The following ZFP37 variants were observed in gnomAD, a reference collection of about 807,000 sequenced individuals.
ZFP37 encodes ZFP37 zinc finger protein, also known as zinc finger protein 37 homolog.
A neutral mutation model predicts 52.1 loss-of-function variants in ZFP37; 38 were observed. The observed-to-expected ratio is 0.73, with a 90% CI of 0.56 to 0.96. ZFP37 has a LOEUF of 0.96. Among genes scored for constraint, ZFP37 ranks in the 40% least tolerant of loss-of-function variants. The pLI, the probability that ZFP37 is intolerant of heterozygous loss-of-function variation, is 0.00. For missense variants in ZFP37, 695 were observed against 741.4 expected (o/e 0.94, Z 0.73); for synonymous variants, 253 against 259.5 (o/e 0.98, Z 0.24).
chr9:113,043,688 G>C lies in ZFP37; in HGVS notation c.930C>G (p.Asp310Glu). 6.2e-7 allele frequency: 1 copy of C among 1,614,026 alleles called. No homozygotes were observed. Among genetic ancestry groups the C allele is most frequent in the Non-Finnish European group, 8.5e-7 (1 of 1,179,960 alleles). The change falls in exon 4 of 4, where the codon GAC becomes GAG. Residue 310 changes from aspartate (D) to glutamate (E), a missense_variant. This residue lies in a region of ZFP37 where 326 missense variants were observed against 400.5 expected (regional missense o/e 0.81). Coordinates refer to ENST00000374227, the MANE Select transcript of ZFP37 (RefSeq NM_003408.3). Reference sequence around the variant, plus strand: ...TCTCCCCAGTATGAACTCTCTGATGGTCAATGAGTCCTTGTTTATGGCTGA... The same window carrying C: ...TCTCCCCAGTATGAACTCTCTGATGCTCAATGAGTCCTTGTTTATGGCTGA... ...KVLSHKQGLI[D>E]HQRVHTGEKP...
At chr9:113,054,706 T>C (rs916715534) in intron 1 of ZFP37, among the ~76,000 whole-genome samples, 4 of 152,184 alleles carry the variant, frequency 2.6e-5, no homozygotes, top group African/African-American at 9.7e-5. Context: ...TAGATGTAAA[T>C]CTCGATTCTT....
chr9:113,047,770 C>T (rs1293755159), intron 3 of ZFP37, among the ~76,000 whole-genome samples: 1 of 152,102 alleles, frequency 6.6e-6, no homozygotes. Context: ...TCAGAGCACA[C>T]CCTGATAAAA....
chr9:113,040,728 G>A lies in ZFP37; in HGVS notation c.*1997C>T, dbSNP rs1036742174. 2.6e-5 allele frequency: 4 copies of A among 152,040 alleles called. No homozygotes were observed. Among genetic ancestry groups the A allele is most frequent in the South Asian group, 2.1e-4 (1 of 4,824 alleles). 9.4% of individuals were successfully genotyped at this position (152,040 alleles called of 1,614,324 possible). On this transcript the variant is annotated 3_prime_UTR_variant, in exon 4 of 4. Coordinates refer to ENST00000374227, the MANE Select transcript of ZFP37 (RefSeq NM_003408.3). ...GATTGAACATGACTAGACAAGTCCC[G>A]ATTACTGCTCATATGTTAGTTCTGA...
intron 3 of ZFP37, among the ~76,000 whole-genome samples, chr9:113,047,768 C>T (rs889578569): frequency 2.6e-5 from 4 of 152,152 alleles, no homozygotes; most frequent in Non-Finnish European, 5.9e-5. Flanking sequence ...AATCAGAGCA[C>T]ACCCTGATAA....
intron 3 of ZFP37, among the ~76,000 whole-genome samples, chr9:113,047,742 T>C (rs931257265): frequency 6.6e-6 from 1 of 152,172 alleles, no homozygotes; most frequent in Non-Finnish European, 1.5e-5. Flanking sequence ...AGTAACTCTA[T>C]GGGAGACAGT....
At position 113,043,271 on chromosome 9, in the gene ZFP37, A is replaced by G; in HGVS notation, c.1347T>C (p.Thr449=). 1 of 1,613,946 alleles carries G rather than the reference A, an allele frequency of 6.2e-7. No individual in the cohort carries two copies. The highest frequency in any genetic ancestry group is 8.5e-7 in the Non-Finnish European group (1 of 1,179,950). ...GKAFKYSSSL[T]KHMRIHTGEK... ...CACCTGTATGAATTCTCATGTGTTT[A>G]GTAAGGGATGAGCTATACTTAAAGG... Residue 449 remains threonine (T), a synonymous_variant, in exon 4 of 4, where the codon ACT becomes ACC. Coordinates refer to ENST00000374227, the MANE Select transcript of ZFP37 (RefSeq NM_003408.3).
In ZFP37 at chr9:113,049,283, TAAGA is replaced by T. The variant is rs1411270143; in HGVS notation, c.349+75_349+78del. 9.5e-6 allele frequency: 14 copies of T among 1,480,190 alleles called. No homozygotes were observed. The East Asian group carries it at 3.0e-4, about 31-fold the overall frequency. The allele number at this position is 1,480,190 out of a possible 1,614,324, so 91.7% of individuals were successfully genotyped here. On this transcript the variant is annotated intron_variant, in intron 3 of 3. Transcript: ENST00000374227. ...ATTTTTTCTATTGCTATTTTCTAGT[TAAGA>T]AAGAAAGGTCTAGGATCTTTAAGAA...
In ZFP37 at chr9:113,049,782, T is replaced by C. The variant is rs771779307; in HGVS notation, c.214+9A>G. 6.2e-7 allele frequency: 1 copy of C among 1,612,260 alleles called. No homozygotes were observed. The highest frequency in any genetic ancestry group is 1.7e-5 in the Admixed American group (1 of 59,660). On this transcript the variant is annotated intron_variant, in intron 2 of 3. Coordinates refer to ENST00000374227, the MANE Select transcript of ZFP37 (RefSeq NM_003408.3). ...GACACATTTTGAATTACAAAGGAAT[T>C]GTTCTTACCCATTGAGGCTTGGTTG...
intron 1 of ZFP37, among the ~76,000 whole-genome samples, chr9:113,054,218 G>A (rs1054323085): frequency 1.3e-5 from 2 of 152,120 alleles, no homozygotes; most frequent in Non-Finnish European, 2.9e-5. Context: ...TATGACAATT[G>A]ATTACTTCTA....
intron 3 of ZFP37, among the ~76,000 whole-genome samples, chr9:113,047,786 G>C (rs1828984949): frequency 6.6e-6 from 1 of 152,176 alleles, no homozygotes; most frequent in South Asian, 2.1e-4. Flanking sequence ...TAAAAACAGG[G>C]AAGATGAAAA....
Position 113,042,610 on chromosome 9 carries a change from C to T in ZFP37, c.*115G>A, listed in dbSNP as rs1333135601. On this transcript the variant is annotated 3_prime_UTR_variant, in exon 4 of 4. Transcript: ENST00000374227. ...ATGAAGATCCATTTTCAAAGTTTCTCATGTACAACAAGGTGTGACATCTTG... is the reference window on the plus strand; with the variant it reads ...ATGAAGATCCATTTTCAAAGTTTCTTATGTACAACAAGGTGTGACATCTTG... 4 of 842,912 alleles carry T rather than the reference C, an allele frequency of 4.7e-6. No homozygotes were observed. The highest frequency in any genetic ancestry group is 3.4e-5 in the Admixed American group (1 of 29,082). The allele number at this position is 842,912 out of a possible 1,614,324, so 52.2% of individuals were successfully genotyped here. A position where few individuals can be genotyped will look rare whatever the true frequency, so the allele number is the denominator to read the frequency against.
chr9:113,049,628 A>C (rs1305810974), intron 2 of ZFP37, 132 bp from the exon 3 acceptor site: 4 of 1,435,710 alleles, frequency 2.8e-6, no homozygotes, highest in Non-Finnish European at 3.7e-6. Context: ...AGGTCAGCTA[A>C]ATAGACCTTC....
At chr9:113,049,998 C>G in intron 1 of ZFP37, 126 bp from the exon 2 acceptor site, 1 of 1,434,456 alleles carries the variant, frequency 7.0e-7, no homozygotes, top group Non-Finnish European at 9.4e-7. Context: ...TTGTTCTTAC[C>G]TTGACTACTC....
chr9:113,052,797 T>A lies in ZFP37; in HGVS notation c.133-2925A>T, dbSNP rs1184411020. On this transcript the variant is annotated intron_variant, in intron 1 of 3. Coordinates refer to ENST00000374227, the MANE Select transcript of ZFP37 (RefSeq NM_003408.3). The surrounding 1 kb of genome is among the most constrained non-coding windows in gnomAD (Gnocchi z 4.1). ...TTCTTTAAGCACTCGGAACTACTCTTAATCAGTTCCAGGAATGGTGGGATC... is the reference window on the plus strand; with the variant it reads ...TTCTTTAAGCACTCGGAACTACTCTAAATCAGTTCCAGGAATGGTGGGATC... Among the ~76,000 whole-genome samples, 2 of 152,162 alleles carry A rather than the reference T, an allele frequency of 1.3e-5. No homozygotes were observed. The highest frequency in any genetic ancestry group is 2.9e-5 in the Non-Finnish European group (2 of 68,010).
chr9:113,047,673 C>A (rs1828982535), intron 3 of ZFP37, among the ~76,000 whole-genome samples: 1 of 152,040 alleles, frequency 6.6e-6, no homozygotes, highest in African/African-American at 2.4e-5. Flanking sequence ...ATAATATGAA[C>A]CTGATTTGTG....
chr9:113,050,492 A>G (rs1829038077), intron 1 of ZFP37, among the ~76,000 whole-genome samples: 1 of 152,068 alleles, frequency 6.6e-6, no homozygotes, highest in South Asian at 2.1e-4. Flanking sequence ...AAAAAGAAAA[A>G]AGGAACAGAA....
chr9:113,050,021 G>A (rs1829028884), intron 1 of ZFP37, 149 bp from the exon 2 acceptor site: 3 of 1,274,820 alleles, frequency 2.4e-6, no homozygotes, highest in African/African-American at 1.5e-5. Context: ...TGTTGATCAT[G>A]ATATTATAAA....
rs746601400 is a variant in ZFP37, at chr9:113,043,572, T to C, written c.1046A>G (p.Tyr349Cys). Residue 349 changes from tyrosine (Y) to cysteine (C), a missense_variant, in exon 4 of 4, where the codon TAT becomes TGT. Around this residue, in one of 2 missense-constraint regions of ZFP37, gnomAD observed 326 missense variants for 400.5 expected, o/e 0.81. Transcript: ENST00000374227. ...HQRTHTGEKP[Y>C]ECIQCGKAHG... ...GGCTTTGCCACACTGAATACATTCA[T>C]ATGGTTTTTCTCCGGTGTGAGTTCT... 1 of 1,614,076 alleles carries C rather than the reference T, an allele frequency of 6.2e-7. No individual in the cohort carries two copies. The highest frequency in any genetic ancestry group is 1.1e-5 in the South Asian group (1 of 91,078).
chr9:113,056,524 C>G, intron 1 of ZFP37, 33 bp downstream of exon 1: 1 of 1,608,276 alleles, frequency 6.2e-7, no homozygotes, highest in Non-Finnish European at 8.5e-7. Flanking sequence ...CATCTCTGAC[C>G]GCCAAAACAC....
Sources: allele counts gnomAD v4.1 joint callset (sites outside exome capture counted in the v4.1 genomes callset), GRCh38; gene constraint gnomAD v4.1.1; regional missense constraint gnomAD v4.1.1; non-coding constraint Gnocchi (gnomAD v3.1); transcripts MANE v1.5; gene names NCBI Gene and HGNC (gene_info 2026-07-23, HGNC 2026-07-21).